Variants in NTRK2 observed in about 807,000 individuals in gnomAD.
The protein encoded by NTRK2 is BDNF/NT-3 growth factors receptor.
In NTRK2, 13 loss-of-function variants were observed where a neutral mutation model predicts 94.5. That is an observed-to-expected ratio of 0.14 (90% CI 0.09 to 0.22). The LOEUF is 0.22. NTRK2 is among the 10% of genes least tolerant of loss of function. The pLI is 1.00. For missense variants in NTRK2, 639 were observed against 1,071.2 expected, an observed-to-expected ratio of 0.60 and a Z score of 5.63; for synonymous variants, 372 against 407.4, an observed-to-expected ratio of 0.91 and a Z score of 1.05.
At chr9:84,717,848 A>G (rs543658596) in intron 6 of NTRK2, among the ~76,000 whole-genome samples, 1 of 152,312 alleles carries the variant, frequency 6.6e-6, no homozygotes, top group East Asian at 1.9e-4. Context: ...AAACATTACA[A>G]TCAAAGAACT....
At chr9:84,873,569 A>C in intron 14 of NTRK2, 1 of 1,053,862 alleles carries the variant, frequency 9.5e-7, no homozygotes, top group Middle Eastern at 4.3e-4. Context: ...GGAGATGATA[A>C]GAAGCTATCA....
chr9:84,949,565 T>A (rs2078710722), intron 16 of NTRK2, among the ~76,000 whole-genome samples: 1 of 152,144 alleles, frequency 6.6e-6, no homozygotes, highest in South Asian at 2.1e-4. Flanking sequence ...CCTCCCAGGT[T>A]CAAGTGATTC....
intron 13 of NTRK2, among the ~76,000 whole-genome samples, chr9:84,866,522 A>G (rs1379769309): frequency 6.6e-6 from 1 of 152,188 alleles, no homozygotes; most frequent in African/African-American, 2.4e-5. Flanking sequence ...TGACAGTTTC[A>G]ATGACAGAGT....
At chr9:84,903,945 G>A (rs1015861887) in intron 14 of NTRK2, among the ~76,000 whole-genome samples, 6 of 152,136 alleles carry the variant, frequency 3.9e-5, no homozygotes, top group African/African-American at 1.2e-4. Context: ...TACCTACAAT[G>A]CCAAAGAAAG....
At chr9:84,993,469 G>C (rs1212965509) in intron 17 of NTRK2, among the ~76,000 whole-genome samples, 1 of 152,092 alleles carries the variant, frequency 6.6e-6, no homozygotes, top group African/African-American at 2.4e-5. Flanking sequence ...TATTCTCTCT[G>C]TACTCTTGCT....
At chr9:84,749,658 C>T (rs1211335618) in intron 11 of NTRK2, among the ~76,000 whole-genome samples, 2 of 152,138 alleles carry the variant, frequency 1.3e-5, no homozygotes, top group Non-Finnish European at 1.5e-5. Context: ...GTTCCAAACC[C>T]ATTACCTGCA....
At chr9:84,844,705 A>G (rs896982074) in intron 12 of NTRK2, among the ~76,000 whole-genome samples, 3 of 149,728 alleles carry the variant, frequency 2.0e-5, no homozygotes, top group Admixed American at 6.6e-5. Context: ...GGCTATCACT[A>G]TTTGTTTCTA....
Position 84,762,810 on chromosome 9 carries a change from T to A in NTRK2, c.1396+10725T>A, listed in dbSNP as rs539231346. Among the ~76,000 whole-genome samples the A allele has an allele frequency of 1.1e-4, 16 of 152,324 alleles. No individual in the cohort carries two copies. The South Asian group carries it at 3.3e-3, about 32-fold the overall frequency. On this transcript the variant is annotated intron_variant, in intron 12 of 18. Transcript: ENST00000277120. ...TGGGTAATCACAAAAAATTCCACACTTTCTCTGTCACTTCAGGTCTCTCAC... is the reference window on the plus strand; with the variant it reads ...TGGGTAATCACAAAAAATTCCACACATTCTCTGTCACTTCAGGTCTCTCAC...
At chr9:84,827,583 A>T (rs1454460592) in intron 12 of NTRK2, among the ~76,000 whole-genome samples, 1 of 152,258 alleles carries the variant, frequency 6.6e-6, no homozygotes, top group East Asian at 1.9e-4. Context: ...CAGGCCAGAC[A>T]AAACTTGTCT....
intron 12 of NTRK2, among the ~76,000 whole-genome samples, chr9:84,798,996 T>TA (rs2070034688): frequency 6.6e-6 from 1 of 150,616 alleles, no homozygotes; most frequent in Non-Finnish European, 1.5e-5. Flanking sequence ...AGCTCCATTT[T>TA]ATAGGCAAGA....
At chr9:84,894,668 T>G (rs1266250111) in intron 14 of NTRK2, among the ~76,000 whole-genome samples, 1 of 152,234 alleles carries the variant, frequency 6.6e-6, no homozygotes, top group African/African-American at 2.4e-5. Context: ...TACAAAAATC[T>G]TACTGTGAGG....
intron 12 of NTRK2, among the ~76,000 whole-genome samples, chr9:84,851,817 T>C (rs2074786298): frequency 1.3e-5 from 2 of 152,212 alleles, no homozygotes; most frequent in South Asian, 4.1e-4. Flanking sequence ...GGCAAAAAGT[T>C]TCCTGTGCGG....
chr9:84,814,737 A>C, intron 12 of NTRK2: 1 of 1,064,328 alleles, frequency 9.4e-7, no homozygotes, highest in Non-Finnish European at 1.1e-6. Flanking sequence ...ACAGAGGGAC[A>C]GCTGGACTGA....
rs535776027 is a variant in NTRK2 at position 84,766,702 on chromosome 9, C to T, written c.1396+14617C>T. On this transcript the variant is annotated intron_variant, in intron 12 of 18. Transcript: ENST00000277120. ...CACACACACATAAAACACACACATA[C>T]ACACAACATACACACATTCAATGCA... Among the ~76,000 whole-genome samples the T allele has an allele frequency of 1.8e-4, 27 of 151,888 alleles. No individual in the cohort carries two copies. The South Asian group carries it at 5.6e-3, about 32-fold the overall frequency.
chr9:84,687,920 C>A (rs562275586), intron 2 of NTRK2, among the ~76,000 whole-genome samples: 8 of 152,264 alleles, frequency 5.3e-5, no homozygotes, highest in South Asian at 4.1e-4. Flanking sequence ...CTACAAGGGA[C>A]CTCATAGGCA....
At chr9:84,705,667 T>C (rs138728809) in intron 4 of NTRK2, among the ~76,000 whole-genome samples, 17 of 152,244 alleles carry the variant, frequency 1.1e-4, no homozygotes, top group Admixed American at 4.6e-4. Flanking sequence ...GGTTTTTCGT[T>C]TGTTTGTTTT....
chr9:84,854,080 A>T (rs1385747276), intron 12 of NTRK2, among the ~76,000 whole-genome samples: 3 of 151,932 alleles, frequency 2.0e-5, no homozygotes, highest in Non-Finnish European at 4.4e-5. Flanking sequence ...TCAAAAAAAA[A>T]AAAAGAAAAG....
chr9:84,981,107 G>C (rs903865679), intron 17 of NTRK2, among the ~76,000 whole-genome samples: 9 of 152,098 alleles, frequency 5.9e-5, no homozygotes, highest in African/African-American at 2.2e-4. Flanking sequence ...TTTTGAGTCA[G>C]TCTCTCTCTA....
chr9:84,788,236 G>T, intron 12 of NTRK2, among the ~76,000 whole-genome samples: 1 of 152,068 alleles, frequency 6.6e-6, no homozygotes, highest in East Asian at 1.9e-4. Context: ...ACTTAGTAGG[G>T]ACATGAAAAT....
Sources: allele counts gnomAD v4.1 joint callset (sites outside exome capture counted in the v4.1 genomes callset), GRCh38; gene constraint gnomAD v4.1.1; transcripts MANE v1.5; gene names NCBI Gene and HGNC (gene_info 2026-07-23, HGNC 2026-07-21).